Variants in RARG observed in about 807,000 individuals in gnomAD.
The protein encoded by RARG is retinoic acid receptor gamma, also known as RAR-gamma.
Under a neutral mutation model 43.7 loss-of-function variants are expected in RARG, and 17 were observed. The observed-to-expected ratio is 0.39, with a 90% CI of 0.27 to 0.58. RARG has a LOEUF of 0.58. Among genes scored for constraint, RARG ranks in the 20% least tolerant of loss-of-function variants. The pLI is 0.57. For synonymous variants in RARG, 238 were observed against 236.4 expected (o/e 1.01, Z -0.06); for missense variants, 346 against 598.7 (o/e 0.58, Z 4.40).
chr12:53,214,048 G>C lies in RARG; in HGVS notation c.813+11C>G. The stretch of plus-strand genomic sequence containing the variant: ...GTCGGGCTGTGGCAGGACCCACAGG[G>C]CCTAACTTACCAGGATATCTAGGCA... On this transcript the variant is annotated intron_variant, in intron 7 of 9. Transcript: ENST00000425354. 6.2e-7 allele frequency: 1 copy of C among 1,601,142 alleles called. No individual in the cohort carries two copies. The highest frequency in any genetic ancestry group is 8.5e-7 in the Non-Finnish European group (1 of 1,174,896).
intron 3 of RARG, among the ~76,000 whole-genome samples, chr12:53,223,519 C>T (rs992072153): frequency 9.5e-5 from 13 of 137,536 alleles, no homozygotes; most frequent in African/African-American, 3.4e-4. Flanking sequence ...GCCCGGCTCC[C>T]CCCGCCCCCC....
Position 53,215,442 on chromosome 12 carries a change from T to G in RARG, c.334-8A>C. ...GCTTCGGCGAAAGAAGCCCTGGAGT[T>G]GAGGGAAAGAGAGAGGGCCTCTGAA... On this transcript the variant is annotated splice_polypyrimidine_tract_variant and splice_region_variant and intron_variant, in intron 4 of 9. Coordinates refer to ENST00000425354, the MANE Select transcript of RARG (RefSeq NM_000966.6). The surrounding 1 kb of genome is among the most constrained non-coding windows in gnomAD (Gnocchi z 6.4). The G allele has an allele frequency of 3.1e-6, 5 of 1,613,996 alleles. No homozygotes were observed. The highest frequency in any genetic ancestry group is 4.2e-6 in the Non-Finnish European group (5 of 1,179,944).
In RARG at chr12:53,211,129, TCCTGCCCCAGAAATGCAGGGCCCAG is replaced by T. The variant is rs951207424; in HGVS notation, c.*522_*546del. On this transcript the variant is annotated 3_prime_UTR_variant, in exon 10 of 10. Transcript: ENST00000425354. This position sits in a 1 kb window ranked among gnomAD's most constrained non-coding sequence, Gnocchi z 4.6. ...TCTATCTGTCCCTTTCACCCTCTGT[TCCTGCCCCAGAAATGCAGGGCCCAG>T]CCTGCCCCCACCTTGACCTGGCACA... The T allele has an allele frequency of 6.5e-6, 1 of 152,860 alleles. No homozygotes were observed. Among genetic ancestry groups the T allele is most frequent in the African/African-American group, 2.4e-5 (1 of 41,556 alleles). 9.5% of individuals were successfully genotyped at this position (152,860 alleles called of 1,614,324 possible). A position where few individuals can be genotyped will look rare whatever the true frequency, so the allele number is the denominator to read the frequency against.
chr12:53,220,397 G>C, intron 3 of RARG: 1 of 142,788 alleles, frequency 7.0e-6, no homozygotes, highest in Non-Finnish European at 1.4e-5. Context: ...GCCTGGAGGG[G>C]TGGGGGGTGG....
At chr12:53,225,189 T>C (rs1943076385) in intron 3 of RARG, among the ~76,000 whole-genome samples, 1 of 152,130 alleles carries the variant, frequency 6.6e-6, no homozygotes, top group South Asian at 2.1e-4. Flanking sequence ...AGCCCAGCTG[T>C]AGTTTCCAAA....
rs774801685 is a variant in RARG at position 53,211,782 on chromosome 12, T to C, written c.1259A>G (p.Glu420Gly). 1 of 1,561,750 alleles carries C rather than the reference T, an allele frequency of 6.4e-7. No homozygotes were observed. Among genetic ancestry groups the C allele is most frequent in the Non-Finnish European group, 8.7e-7 (1 of 1,153,670 alleles). Residue 420 changes from glutamate (E) to glycine (G), a missense_variant, in exon 10 of 10, where the codon GAA becomes GGA. Transcript: ENST00000425354. This position sits in a 1 kb window ranked among gnomAD's most constrained non-coding sequence, Gnocchi z 4.6. ...CTGCGAGGAGTCATCCTCAAACATT[T>C]CAGGGTTCTCCAGCATCTCTCGGAT... ...PLIREMLENP[E>G]MFEDDSSQPG...
intron 3 of RARG, among the ~76,000 whole-genome samples, chr12:53,224,376 G>A (rs1943058678): frequency 6.6e-6 from 1 of 152,116 alleles, no homozygotes; most frequent in African/African-American, 2.4e-5. Flanking sequence ...CTCTTCAAGG[G>A]CCACCTCTCT....
chr12:53,220,892 C>G (rs1222576546), intron 3 of RARG, among the ~76,000 whole-genome samples: 2 of 152,152 alleles, frequency 1.3e-5, no homozygotes, highest in African/African-American at 4.8e-5. Context: ...GGGACCTGCA[C>G]TACCTCCACC....
In RARG at chr12:53,215,178, C is replaced by T. The variant is rs1275194202; in HGVS notation, c.475+115G>A. 7.3e-7 allele frequency: 1 copy of T among 1,373,622 alleles called. No homozygotes were observed. 85.1% of individuals were successfully genotyped at this position (1,373,622 alleles called of 1,614,324 possible). On this transcript the variant is annotated intron_variant, in intron 5 of 9. Transcript: ENST00000425354. The surrounding 1 kb of genome is among the most constrained non-coding windows in gnomAD (Gnocchi z 6.4). ...AGACTGGCCTGGGAGAAGGCAGCACCCCAGGGCAGGCCAAGTCTCAGAGGT... is the reference window on the plus strand; with the variant it reads ...AGACTGGCCTGGGAGAAGGCAGCACTCCAGGGCAGGCCAAGTCTCAGAGGT...
chr12:53,213,841 G>A lies in RARG; in HGVS notation c.814-141C>T. The stretch of plus-strand genomic sequence containing the variant: ...GAGAAGGCAGAGGTGGAGGATCTGA[G>A]GCTTGGCAGGGGTAGTCCCGGGAAG... On this transcript the variant is annotated intron_variant, in intron 7 of 9. Transcript: ENST00000425354. This position sits in a 1 kb window ranked among gnomAD's most constrained non-coding sequence, Gnocchi z 4.7. The A allele has an allele frequency of 8.9e-7, 1 of 1,122,972 alleles. No individual in the cohort carries two copies. Among genetic ancestry groups the A allele is most frequent in the South Asian group, 1.5e-5 (1 of 68,454 alleles). The allele number at this position is 1,122,972 out of a possible 1,614,324, so 69.6% of individuals were successfully genotyped here. A position where few individuals can be genotyped will look rare whatever the true frequency, so the allele number is the denominator to read the frequency against.
rs1942702168 is a variant in RARG at position 53,214,531 on chromosome 12, G to C, written c.551C>G (p.Pro184Arg). The C allele has an allele frequency of 3.7e-6, 6 of 1,613,660 alleles. No homozygotes were observed. Among genetic ancestry groups the C allele is most frequent in the South Asian group, 1.1e-5 (1 of 91,082 alleles). Reference protein sequence around the residue: ...EGSPDSYELSPQLEELITKVS... With the variant: ...EGSPDSYELSRQLEELITKVS... ...CTTGGTGATGAGCTCTTCTAACTGA[G>C]GGCTCAGCTCATAGCTGTCAGGTGA... Residue 184 changes from proline to arginine, a missense_variant, in exon 6 of 10, where the codon CCT becomes CGT. By Grantham distance (103) the Pro-to-Arg change is moderately radical (BLOSUM62 -2). Around this residue, in one of 8 missense-constraint regions of RARG, gnomAD observed 67 missense variants for 79.6 expected, o/e 0.84. Transcript: ENST00000425354.
intron 3 of RARG, among the ~76,000 whole-genome samples, chr12:53,217,750 G>A (rs1012595007): frequency 3.3e-5 from 5 of 152,212 alleles, no homozygotes; most frequent in Admixed American, 1.3e-4. Context: ...TGCTGGGGAG[G>A]ATGGGGGTGG....
At chr12:53,216,841 T>TGTGTGTGTGTGTGTGTGCGC (rs1430491578) in intron 3 of RARG, among the ~76,000 whole-genome samples, 37 of 129,370 alleles carry the variant, frequency 2.9e-4, no homozygotes, top group African/African-American at 1.2e-3. Context: ...TGTGTGTGTG[T>TGTGTGTGTGTGTGTGTGCGC]GCGCGCGCGC....
At chr12:53,222,233 G>GAGAAAGAA (rs147773701) in intron 3 of RARG, among the ~76,000 whole-genome samples, 4 of 149,686 alleles carry the variant, frequency 2.7e-5, no homozygotes, top group African/African-American at 1.0e-4. Flanking sequence ...AAGAAAGAGA[G>GAGAAAGAA]AGAAAGAAAA....
At chr12:53,212,535 C>T in intron 9 of RARG, among the ~76,000 whole-genome samples, 1 of 152,202 alleles carries the variant, frequency 6.6e-6, no homozygotes, top group East Asian at 1.9e-4. Flanking sequence ...CTTCCAACTT[C>T]TGGCCTCAAC....
intron 3 of RARG, chr12:53,220,249 G>T: frequency 2.0e-6 from 3 of 1,470,132 alleles, no homozygotes; most frequent in Non-Finnish European, 2.7e-6. Context: ...TAAGGGGTGG[G>T]CGGGGAAGAG....
chr12:53,231,734 C>A (rs1233027257), intron 1 of RARG, among the ~76,000 whole-genome samples: 2 of 152,260 alleles, frequency 1.3e-5, no homozygotes, highest in African/African-American at 2.4e-5. Context: ...CTCTGCTATG[C>A]ACCAAAATGA....
Position 53,232,042 on chromosome 12 carries a change from A to C in RARG, c.-278T>G. 2.5e-6 allele frequency: 1 copy of C among 398,034 alleles called. No homozygotes were observed. The highest frequency in any genetic ancestry group is 3.6e-5 in the East Asian group (1 of 28,020). 24.7% of individuals were successfully genotyped at this position (398,034 alleles called of 1,614,324 possible). A position where few individuals can be genotyped will look rare whatever the true frequency, so the allele number is the denominator to read the frequency against. On this transcript the variant is annotated 5_prime_UTR_variant, in exon 1 of 10. Transcript: ENST00000425354. Reference sequence around the variant, plus strand: ...CGGCGTCGGGCAGTCTCTTGGATGGAGCGTCGCAATGTCCGGGGCTCGCCG... The same window carrying C: ...CGGCGTCGGGCAGTCTCTTGGATGGCGCGTCGCAATGTCCGGGGCTCGCCG...
At position 53,221,008 on chromosome 12, in the gene RARG, C is replaced by G. The variant is rs571123582; in HGVS notation, c.185-5214G>C. Reference sequence around the variant, plus strand: ...CGCGCGCTGCCTCCTCCTTCCTTCCCGTCTCCCCACCCGCGGTCCTAGGGC... The same window carrying G: ...CGCGCGCTGCCTCCTCCTTCCTTCCGGTCTCCCCACCCGCGGTCCTAGGGC... On this transcript the variant is annotated intron_variant, in intron 3 of 9. Transcript: ENST00000425354. 3.0e-4 allele frequency among the ~76,000 whole-genome samples: 46 copies of G among 152,110 alleles called. No individual in the cohort carries two copies. In the South Asian group the frequency reaches 9.3e-3, roughly 31 times the overall value.
Sources: allele counts gnomAD v4.1 joint callset (sites outside exome capture counted in the v4.1 genomes callset), GRCh38; gene constraint gnomAD v4.1.1; regional missense constraint gnomAD v4.1.1; non-coding constraint Gnocchi (gnomAD v3.1); transcripts MANE v1.5; gene names NCBI Gene and HGNC (gene_info 2026-07-23, HGNC 2026-07-21).